Variants in OPCML observed in about 807,000 individuals in gnomAD.
OPCML encodes opioid binding protein/cell adhesion molecule like, also known as opioid-binding protein/cell adhesion molecule.
A neutral mutation model predicts 37.8 loss-of-function variants in OPCML; 13 were observed. The observed-to-expected ratio is 0.34, with a 90% CI of 0.22 to 0.55. The LOEUF is 0.55. OPCML is among the 20% of genes least tolerant of loss of function. The pLI is 0.91. For synonymous variants in OPCML, 176 were observed against 168.8 expected, an observed-to-expected ratio of 1.04 and a Z score of -0.33; for missense variants, 341 against 435.6, an observed-to-expected ratio of 0.78 and a Z score of 1.93.
chr11:133,408,151 CA>C (rs141489273), intron 1 of OPCML, among the ~76,000 whole-genome samples: 13,765 of 148,950 alleles, frequency 0.092, 1,825 homozygotes, highest in African/African-American at 0.29. Context: ...TTGCTGGTCA[CA>C]AAAAAAAAAT....
intron 4 of OPCML, among the ~76,000 whole-genome samples, chr11:132,526,281 T>G (rs1180837750): frequency 6.6e-6 from 1 of 152,170 alleles, no homozygotes; most frequent in Non-Finnish European, 1.5e-5. Context: ...TAAAGACATT[T>G]GATTTTACCA....
intron 3 of OPCML, among the ~76,000 whole-genome samples, 172 bp downstream of exon 3, chr11:132,656,915 C>T (rs187961238): frequency 6.6e-6 from 1 of 152,320 alleles, no homozygotes; most frequent in Non-Finnish European, 1.5e-5. Context: ...ATATTCAGCA[C>T]TTAGTTAAGT....
intron 1 of OPCML, among the ~76,000 whole-genome samples, chr11:133,446,735 C>T (rs1946481436): frequency 6.6e-6 from 1 of 152,186 alleles, no homozygotes; most frequent in Non-Finnish European, 1.5e-5. Context: ...CAACCATAAG[C>T]TACTTTTTCT....
intron 3 of OPCML, among the ~76,000 whole-genome samples, chr11:132,608,279 C>T (rs1416307533): frequency 6.6e-6 from 1 of 152,198 alleles, no homozygotes; most frequent in South Asian, 2.1e-4. Context: ...TCCCTGTATA[C>T]TTCTAGTCAG....
At chr11:132,738,805 A>C (rs376863415) in intron 2 of OPCML, among the ~76,000 whole-genome samples, 1 of 152,232 alleles carries the variant, frequency 6.6e-6, no homozygotes, top group East Asian at 1.9e-4. Flanking sequence ...TTAAAAACCA[A>C]ACTAACCAAA....
intron 2 of OPCML, among the ~76,000 whole-genome samples, chr11:132,687,419 T>C (rs1335968509): frequency 9.0e-5 from 8 of 88,910 alleles, no homozygotes; most frequent in African/African-American, 2.2e-4. Flanking sequence ...TATATATATA[T>C]ATATATATAT....
chr11:132,870,596 C>T (rs77397987), intron 2 of OPCML, among the ~76,000 whole-genome samples: 5,173 of 152,226 alleles, frequency 0.034, 178 homozygotes, highest in South Asian at 0.17. Context: ...GAGATGTCTG[C>T]CCTCTCATGT....
intron 1 of OPCML, among the ~76,000 whole-genome samples, chr11:133,408,561 A>G (rs906357089): frequency 1.3e-4 from 20 of 152,176 alleles, no homozygotes; most frequent in Non-Finnish European, 5.9e-5. Flanking sequence ...AGGTGGCTGG[A>G]GCATCTCCCA....
At position 132,769,246 on chromosome 11, in the gene OPCML, T is replaced by G. The variant is rs866267053; in HGVS notation, c.147-111927A>C. On this transcript the variant is annotated intron_variant, in intron 2 of 7. Transcript: ENST00000524381. ...TTTGTTTTTTGGTTTGTTTGTTGTT[T>G]TTTTTTTTTGAGACGGAGTCTCGCT... Among the ~76,000 whole-genome samples, 61 of 151,260 alleles carry G rather than the reference T, an allele frequency of 4.0e-4. 4 individuals are homozygous for G. The highest frequency in any genetic ancestry group is 1.5e-3 in the Admixed American group (23 of 15,214).
At chr11:133,200,893 A>G (rs1052363942) in intron 1 of OPCML, among the ~76,000 whole-genome samples, 3 of 152,232 alleles carry the variant, frequency 2.0e-5, no homozygotes, top group East Asian at 1.9e-4. Context: ...AAGGCCATCA[A>G]CGGTGGACTG....
At chr11:132,508,290 C>A (rs1263908827) in intron 4 of OPCML, among the ~76,000 whole-genome samples, 1 of 152,058 alleles carries the variant, frequency 6.6e-6, no homozygotes, top group African/African-American at 2.4e-5. Flanking sequence ...CCCTCATGAA[C>A]AAAACAGATG....
chr11:132,434,640 G>A (rs2096007374), intron 7 of OPCML, among the ~76,000 whole-genome samples: 1 of 152,098 alleles, frequency 6.6e-6, no homozygotes, highest in South Asian at 2.1e-4. Flanking sequence ...CTGACATGAT[G>A]CCTAGAAACC....
intron 1 of OPCML, among the ~76,000 whole-genome samples, chr11:132,987,024 G>A (rs1049669073): frequency 6.6e-6 from 1 of 152,124 alleles, no homozygotes; most frequent in African/African-American, 2.4e-5. Flanking sequence ...TTCAAGACGG[G>A]TTTCTAACTC....
chr11:132,778,310 G>A (rs1346473163), intron 2 of OPCML, among the ~76,000 whole-genome samples: 3 of 152,164 alleles, frequency 2.0e-5, no homozygotes, highest in Non-Finnish European at 4.4e-5. Flanking sequence ...ACACTGCTGC[G>A]TGCTAGCAAG....
At chr11:132,435,992 A>G in intron 7 of OPCML, 94 bp downstream of exon 7, 1 of 1,339,010 alleles carries the variant, frequency 7.5e-7, no homozygotes, top group South Asian at 1.5e-5. Flanking sequence ...GGATGGATGG[A>G]CACAGGCCAA....
intron 3 of OPCML, among the ~76,000 whole-genome samples, chr11:132,615,440 G>A (rs1347670923): frequency 1.3e-5 from 2 of 152,186 alleles, no homozygotes; most frequent in African/African-American, 4.8e-5. Flanking sequence ...GAATGAAGTA[G>A]AGTTGGCTCT....
At chr11:133,280,707 A>C (rs1942121977) in intron 1 of OPCML, among the ~76,000 whole-genome samples, 1 of 152,192 alleles carries the variant, frequency 6.6e-6, no homozygotes, top group South Asian at 2.1e-4. Flanking sequence ...GGAATATGAC[A>C]TTGTTGGTAG....
chr11:132,590,739 A>T (rs572984054), intron 3 of OPCML, among the ~76,000 whole-genome samples: 29 of 152,144 alleles, frequency 1.9e-4, no homozygotes, highest in Non-Finnish European at 3.8e-4. Context: ...CATAAACAAT[A>T]GAGCAGTTAA....
intron 2 of OPCML, among the ~76,000 whole-genome samples, chr11:132,704,247 C>A (rs1048169153): frequency 2.0e-5 from 3 of 152,184 alleles, no homozygotes; most frequent in Non-Finnish European, 2.9e-5. Context: ...AGCAAGGATT[C>A]AGAACATTTC....
Sources: allele counts gnomAD v4.1 joint callset (sites outside exome capture counted in the v4.1 genomes callset), GRCh38; gene constraint gnomAD v4.1.1; transcripts MANE v1.5; gene names NCBI Gene and HGNC (gene_info 2026-07-23, HGNC 2026-07-21).